DOCK3: variants seen among roughly 807,000 people sequenced by gnomAD.
DOCK3 encodes dedicator of cytokinesis 3, also known as dedicator of cytokinesis protein 3.
A neutral mutation model predicts 265.6 loss-of-function variants in DOCK3; 60 were observed. That is an observed-to-expected ratio of 0.23 (90% confidence interval 0.18 to 0.28). The LOEUF (loss-of-function observed/expected upper bound fraction) is 0.28, where lower values mean the gene tolerates loss of function less well. DOCK3 is among the 10% of genes least tolerant of loss of function. The probability of loss-of-function intolerance (pLI) is 1.00; values close to 1 mark genes in which losing one functional copy is unlikely to be tolerated. For synonymous variants in DOCK3, 881 were observed against 938.0 expected (o/e 0.94, Z 1.11); for missense variants, 1,981 against 2,594.3 (o/e 0.76, Z 5.14).
chr3:51,248,721 CG>C (rs2078969072), intron 22 of DOCK3, among the ~76,000 whole-genome samples: 1 of 151,676 alleles, frequency 6.6e-6, no homozygotes, highest in African/African-American at 2.4e-5. Context: ...CGTCTCCGCC[CG>C]GCCGCCATCC....
intron 2 of DOCK3, among the ~76,000 whole-genome samples, chr3:50,834,659 A>G (rs150702844): frequency 3.3e-4 from 51 of 152,312 alleles, no homozygotes; most frequent in African/African-American, 1.2e-3. Context: ...AAGTTTGTCA[A>G]ATATCAAAGT....
rs77041353 is a variant in DOCK3, at chr3:51,329,783, C to A, written c.3403-355C>A. ...CAAATGTATTTTACGCATACAAATT[C>A]TTTTGAATTAATGTTTTTAAAGGGG... On this transcript the variant is annotated intron_variant, in intron 32 of 52. Coordinates refer to ENST00000266037, the MANE Select transcript of DOCK3 (RefSeq NM_004947.5). Among the ~76,000 whole-genome samples the A allele has an allele frequency of 9.9e-4, 151 of 152,256 alleles. 1 individual carries two copies. The East Asian group carries it at 0.023, about 24-fold the overall frequency.
At chr3:51,187,563 G>T (rs542492910) in intron 12 of DOCK3, among the ~76,000 whole-genome samples, 1 of 152,240 alleles carries the variant, frequency 6.6e-6, no homozygotes, top group Admixed American at 6.5e-5. Flanking sequence ...GCCAAGGGTA[G>T]AATGATATGG....
chr3:50,800,618 A>C (rs1165661958), intron 2 of DOCK3, among the ~76,000 whole-genome samples: 4 of 152,200 alleles, frequency 2.6e-5, no homozygotes, highest in Admixed American at 1.3e-4. Context: ...TTCAAAAAAA[A>C]CAACTTTTAG....
chr3:51,172,422 C>T (rs190153425), intron 12 of DOCK3, among the ~76,000 whole-genome samples: 120 of 152,232 alleles, frequency 7.9e-4, no homozygotes, highest in African/African-American at 2.8e-3. Flanking sequence ...GTCATCTGCC[C>T]GCCTTGGCCT....
intron 23 of DOCK3, among the ~76,000 whole-genome samples, chr3:51,261,455 G>A (rs954454525): frequency 6.6e-6 from 1 of 152,150 alleles, no homozygotes; most frequent in African/African-American, 2.4e-5. Context: ...ACACCACCAG[G>A]GCCCTGGGTT....
At chr3:51,367,504 T>C (rs1190387035) in intron 49 of DOCK3, among the ~76,000 whole-genome samples, 2 of 152,208 alleles carry the variant, frequency 1.3e-5, no homozygotes, top group Admixed American at 6.5e-5. Flanking sequence ...AAGGTTAATA[T>C]TGTTATGTGT....
intron 3 of DOCK3, among the ~76,000 whole-genome samples, chr3:50,859,109 C>G (rs1379554254): frequency 6.6e-6 from 1 of 150,742 alleles, no homozygotes; most frequent in East Asian, 1.9e-4. Context: ...TCCTGACTCT[C>G]GATTATTTTT....
At chr3:51,284,152 A>G (rs1318951588) in intron 27 of DOCK3, among the ~76,000 whole-genome samples, 1 of 151,570 alleles carries the variant, frequency 6.6e-6, no homozygotes. Context: ...GAGTGCTCCA[A>G]CTTTTACAGC....
chr3:50,929,661 C>G (rs962053401), intron 4 of DOCK3, among the ~76,000 whole-genome samples: 1 of 152,048 alleles, frequency 6.6e-6, no homozygotes, highest in Non-Finnish European at 1.5e-5. Flanking sequence ...GTTGCTACTA[C>G]GCTGAGATAT....
intron 32 of DOCK3, 35 bp downstream of exon 32, chr3:51,315,163 G>A (rs2083297036): frequency 5.1e-6 from 8 of 1,557,336 alleles, no homozygotes; most frequent in Non-Finnish European, 6.1e-6. Context: ...GTATTCTCTG[G>A]AATGGATCCC....
At chr3:51,318,697 C>G (rs990426439) in intron 32 of DOCK3, among the ~76,000 whole-genome samples, 1 of 151,806 alleles carries the variant, frequency 6.6e-6, no homozygotes, top group Admixed American at 6.6e-5. Context: ...GTAAAACTTA[C>G]GTTTATCTAG....
At chr3:51,155,416 T>C (rs1338672376) in intron 10 of DOCK3, among the ~76,000 whole-genome samples, 1 of 152,244 alleles carries the variant, frequency 6.6e-6, no homozygotes, top group African/African-American at 2.4e-5. Context: ...AGGTGGGACC[T>C]GTTTTCTCAT....
intron 9 of DOCK3, among the ~76,000 whole-genome samples, chr3:51,108,064 A>T (rs540104812): frequency 6.7e-6 from 1 of 150,348 alleles, no homozygotes; most frequent in Non-Finnish European, 1.5e-5. Flanking sequence ...TTTGAGACAG[A>T]GTCTTGCTGT....
chr3:50,698,517 G>GTTTTTTTTTTTTTTTTTTT lies in DOCK3; in HGVS notation c.37+23224_37+23242dup. On this transcript the variant is annotated intron_variant, in intron 1 of 52. Transcript: ENST00000266037. Reference sequence around the variant, plus strand: ...GTTTCTCTGTGGATGTATGTTTTTGGTTTTTTTTTTTTTTTTTTTTTTTTT... The same window carrying GTTTTTTTTTTTTTTTTTTT: ...GTTTCTCTGTGGATGTATGTTTTTGGTTTTTTTTTTTTTTTTTTTTTTTTTTTTTTTTTTTTTTTTTTTT... 2.7e-3 allele frequency among the ~76,000 whole-genome samples: 52 copies of GTTTTTTTTTTTTTTTTTTT among 19,510 alleles called. 16 individuals carry two copies. Among genetic ancestry groups the GTTTTTTTTTTTTTTTTTTT allele is most frequent in the Non-Finnish European group, 3.5e-3 (30 of 8,462 alleles). The allele number at this position is 19,510 out of a possible 152,430, so 12.8% of individuals were successfully genotyped here. A position where few individuals can be genotyped will look rare whatever the true frequency, so the allele number is the denominator to read the frequency against.
intron 3 of DOCK3, among the ~76,000 whole-genome samples, chr3:50,867,568 T>C (rs1367719339): frequency 6.6e-6 from 1 of 151,682 alleles, no homozygotes; most frequent in Non-Finnish European, 1.5e-5. Context: ...CTGTTGTATA[T>C]GGCCTTTATT....
intron 2 of DOCK3, among the ~76,000 whole-genome samples, chr3:50,801,120 A>G (rs2675800): frequency 0.094 from 14,342 of 152,128 alleles, 839 homozygotes; most frequent in Non-Finnish European, 0.12. Context: ...TCTTCTCAGC[A>G]AGGCAATTTA....
chr3:51,324,271 T>C (rs201856101), intron 32 of DOCK3, among the ~76,000 whole-genome samples: 1,589 of 143,756 alleles, frequency 0.011, 11 homozygotes, highest in Non-Finnish European at 0.016. Flanking sequence ...AGCATTCCTA[T>C]ACACCAATAA....
At chr3:50,686,588 A>G (rs2034820159) in intron 1 of DOCK3, among the ~76,000 whole-genome samples, 1 of 152,224 alleles carries the variant, frequency 6.6e-6, no homozygotes, top group African/African-American at 2.4e-5. Flanking sequence ...CAGCTGGGAG[A>G]AAGAAGGCCC....
Sources: allele counts gnomAD v4.1 joint callset (sites outside exome capture counted in the v4.1 genomes callset), GRCh38; gene constraint gnomAD v4.1.1; transcripts MANE v1.5; gene names NCBI Gene and HGNC (gene_info 2026-07-23, HGNC 2026-07-21).